Variants in RNF13 observed in about 807,000 individuals in gnomAD.
RNF13 encodes E3 ubiquitin-protein ligase RNF13.
RNF13 carries 19 observed loss-of-function variants against 37.7 expected under a neutral mutation model. The ratio of observed to expected loss-of-function variants is 0.50; its 90% CI spans 0.35 to 0.74. The LOEUF is 0.74. Among genes scored for constraint, RNF13 ranks in the 30% least tolerant of loss-of-function variants. The pLI, the probability that RNF13 is intolerant of heterozygous loss-of-function variation, is 0.01. For missense variants in RNF13, 375 were observed against 453.0 expected (o/e 0.83, Z 1.56); for synonymous variants, 144 against 157.8 (o/e 0.91, Z 0.65).
chr3:149,935,948 C>T (rs1236966622), intron 8 of RNF13, among the ~76,000 whole-genome samples: 3 of 151,806 alleles, frequency 2.0e-5, no homozygotes, highest in Non-Finnish European at 2.9e-5. Flanking sequence ...CTTCAGCTTT[C>T]GTTTGTCTTC....
chr3:149,928,505 T>C (rs1285123084), intron 8 of RNF13, among the ~76,000 whole-genome samples: 6 of 152,188 alleles, frequency 3.9e-5, no homozygotes, highest in Admixed American at 3.9e-4. Flanking sequence ...TTATGGACTC[T>C]CAGGTACATT....
At chr3:149,885,268 T>C (rs1713891502) in intron 4 of RNF13, among the ~76,000 whole-genome samples, 1 of 152,064 alleles carries the variant, frequency 6.6e-6, no homozygotes, top group Non-Finnish European at 1.5e-5. Context: ...CTGGATCATA[T>C]GGCAGCTCTA....
intron 8 of RNF13, among the ~76,000 whole-genome samples, chr3:149,957,089 AT>A (rs1424751536): frequency 6.6e-6 from 1 of 152,216 alleles, no homozygotes; most frequent in Admixed American, 6.5e-5. Flanking sequence ...CCAGTAGGTA[AT>A]GTTTAAAATC....
intron 6 of RNF13, among the ~76,000 whole-genome samples, chr3:149,907,103 G>T (rs1317767181): frequency 6.6e-6 from 1 of 152,060 alleles, no homozygotes; most frequent in Non-Finnish European, 1.5e-5. Flanking sequence ...GTTTTTATTT[G>T]TACAGCTGAA....
chr3:149,850,205 C>T (rs1259717385), intron 2 of RNF13, among the ~76,000 whole-genome samples: 1 of 152,134 alleles, frequency 6.6e-6, no homozygotes, highest in Non-Finnish European at 1.5e-5. Context: ...GTCTTGAACT[C>T]CTGACCTCAG....
chr3:149,872,061 C>T lies in RNF13; in HGVS notation c.228C>T (p.Ala76=). The T allele has an allele frequency of 6.2e-7, 1 of 1,607,310 alleles. No individual in the cohort carries two copies. Among genetic ancestry groups the T allele is most frequent in the East Asian group, 2.2e-5 (1 of 44,674 alleles). The change falls in exon 4 of 10, where the codon GCC becomes GCT. Residue 76 remains alanine, a synonymous_variant. Transcript: ENST00000392894. ...GFLINSKPEN[A]CEPIVPPPVK... is the part of the protein sequence containing the mutation. ...TGATTAACTCAAAACCAGAGAATGC[C>T]TGTGAACCCATAGTGCCTCCACCAG...
chr3:149,935,030 T>G (rs902678502), intron 8 of RNF13, among the ~76,000 whole-genome samples: 2 of 152,224 alleles, frequency 1.3e-5, no homozygotes, highest in African/African-American at 4.8e-5. Context: ...TTTTTTCTCC[T>G]AACGTGATCT....
chr3:149,894,392 G>A (rs1715028652), intron 4 of RNF13, among the ~76,000 whole-genome samples: 1 of 152,108 alleles, frequency 6.6e-6, no homozygotes, highest in African/African-American at 2.4e-5. Context: ...TTACATTTGG[G>A]AACTTGACTC....
At chr3:149,946,093 A>G (rs776395495) in intron 8 of RNF13, among the ~76,000 whole-genome samples, 3 of 152,230 alleles carry the variant, frequency 2.0e-5, no homozygotes, top group Non-Finnish European at 2.9e-5. Flanking sequence ...TTGAGAGAAG[A>G]AGGCTTCAGA....
At chr3:149,931,039 T>C (rs1261185134) in intron 8 of RNF13, among the ~76,000 whole-genome samples, 2 of 152,094 alleles carry the variant, frequency 1.3e-5, no homozygotes, top group African/African-American at 4.8e-5. Flanking sequence ...TGGTGTTTTT[T>C]TGGTTGTGTG....
intron 3 of RNF13, among the ~76,000 whole-genome samples, chr3:149,863,533 C>A (rs932073041): frequency 6.6e-6 from 1 of 152,108 alleles, no homozygotes; most frequent in African/African-American, 2.4e-5. Context: ...GCGTGTACCA[C>A]CACGCCTGGC....
At chr3:149,829,883 T>C (rs1720879696) in intron 1 of RNF13, among the ~76,000 whole-genome samples, 1 of 151,954 alleles carries the variant, frequency 6.6e-6, no homozygotes, top group Non-Finnish European at 1.5e-5. Flanking sequence ...TGGGGGTGGT[T>C]TTTTCTGTGC....
At chr3:149,947,254 G>GTA in intron 8 of RNF13, among the ~76,000 whole-genome samples, 1 of 152,214 alleles carries the variant, frequency 6.6e-6, no homozygotes, top group East Asian at 1.9e-4. Flanking sequence ...GAAGTGTTCT[G>GTA]TATATGTTTG....
At chr3:149,851,847 T>C (rs775182854) in intron 2 of RNF13, among the ~76,000 whole-genome samples, 1 of 152,224 alleles carries the variant, frequency 6.6e-6, no homozygotes, top group Non-Finnish European at 1.5e-5. Flanking sequence ...ATTATTATCA[T>C]TACTGTTATC....
intron 4 of RNF13, among the ~76,000 whole-genome samples, chr3:149,877,472 C>CTTTTTTTTTTTTTTTT (rs369676407): frequency 5.5e-4 from 56 of 101,446 alleles, no homozygotes; most frequent in Non-Finnish European, 6.1e-4. Flanking sequence ...TTCTTTCTGT[C>CTTTTTTTTTTTTTTTT]TTTTTTTTTT....
intron 4 of RNF13, among the ~76,000 whole-genome samples, chr3:149,888,368 A>G (rs1255741871): frequency 1.3e-5 from 2 of 152,250 alleles, no homozygotes; most frequent in Non-Finnish European, 2.9e-5. Context: ...AAGAGAGTAT[A>G]TTTGTAAAAG....
intron 1 of RNF13, among the ~76,000 whole-genome samples, chr3:149,822,058 G>A (rs1198282256): frequency 6.6e-6 from 1 of 152,068 alleles, no homozygotes; most frequent in Non-Finnish European, 1.5e-5. Context: ...TTGTGGTAAG[G>A]TTTTGAAATT....
chr3:149,934,823 C>T (rs1719516265), intron 8 of RNF13, among the ~76,000 whole-genome samples: 2 of 152,000 alleles, frequency 1.3e-5, no homozygotes, highest in South Asian at 4.1e-4. Context: ...TACCATGTTG[C>T]CCAAGGCTGG....
At chr3:149,879,685 C>T (rs1422390624) in intron 4 of RNF13, among the ~76,000 whole-genome samples, 1 of 152,032 alleles carries the variant, frequency 6.6e-6, no homozygotes, top group Non-Finnish European at 1.5e-5. Context: ...TGAGAAAGCT[C>T]TATATTTGCA....
Sources: gnomAD v4.1 joint callset for allele counts (sites outside exome capture counted in the v4.1 genomes callset) on GRCh38, gnomAD v4.1.1 for gene constraint, MANE v1.5 for transcripts, NCBI Gene and HGNC (gene_info 2026-07-23, HGNC 2026-07-21) for gene names.